Variants in TNFRSF25 observed in about 807,000 individuals in gnomAD.
TNFRSF25 encodes TNF receptor superfamily member 25.
In TNFRSF25, 28 loss-of-function variants were observed where a neutral mutation model predicts 49.4. That is an observed-to-expected ratio of 0.57 (90% CI 0.42 to 0.78). The LOEUF (loss-of-function observed/expected upper bound fraction) is 0.78. Among genes scored for constraint, TNFRSF25 ranks in the 30% least tolerant of loss-of-function variants. The pLI is 0.00. For synonymous variants in TNFRSF25, 240 were observed against 234.2 expected (o/e 1.02, Z -0.23); for missense variants, 531 against 581.6 (o/e 0.91, Z 0.90).
In TNFRSF25 at chr1:6,462,999, T is replaced by A; in HGVS notation, c.599-29A>T. On this transcript the variant is annotated intron_variant, in intron 6 of 9. Transcript: ENST00000356876. The surrounding 1 kb of genome is among the most constrained non-coding windows in gnomAD (Gnocchi z 4.2). The stretch of plus-strand genomic sequence containing the variant: ...AAAGCAGCTGGTGGGTGTTGGGTGG[T>A]TGCCCCCCTCCTCACCCGCCTCCCC... The A allele has an allele frequency of 6.4e-7, 1 of 1,563,984 alleles. No homozygotes were observed. Among genetic ancestry groups the A allele is most frequent in the Non-Finnish European group, 8.7e-7 (1 of 1,153,512 alleles).
Position 6,465,187 on chromosome 1 carries a change from C to T in TNFRSF25, c.196G>A (p.Gly66Ser), listed in dbSNP as rs558023593. ...GGACACACAAGGCAGGTGGAGTTGC[C>T]GCAGGGCTCCGTGCAAGGGGCCTTC... ...YLKAPCTEPCGNSTCLVCPQD... is the reference protein window; with the variant it reads ...YLKAPCTEPCSNSTCLVCPQD... Residue 66 changes from glycine to serine, a missense_variant, in exon 3 of 10, where the codon GGC becomes AGC. Transcript: ENST00000356876. 1.7e-5 allele frequency: 28 copies of T among 1,613,156 alleles called. No homozygotes were observed. Among genetic ancestry groups the T allele is most frequent in the Admixed American group, 5.0e-5 (3 of 59,976 alleles).
intron 1 of TNFRSF25, chr1:6,465,817 A>AC: frequency 7.1e-7 from 1 of 1,415,772 alleles, no homozygotes; most frequent in East Asian, 2.6e-5. Context: ...CAGCGCCCCC[A>AC]CCCCCACCCA....
chr1:6,464,292 G>C (rs989466798), intron 5 of TNFRSF25, 83 bp downstream of exon 5: 1 of 1,547,320 alleles, frequency 6.5e-7, no homozygotes, highest in East Asian at 2.4e-5. Context: ...TCCTATTCCT[G>C]AACCAGCAGC....
Position 6,461,635 on chromosome 1 carries a change from C to T in TNFRSF25, c.1053G>A (p.Val351=), listed in dbSNP as rs772616219. 1.9e-6 allele frequency: 3 copies of T among 1,607,936 alleles called. No individual in the cohort carries two copies. The highest frequency in any genetic ancestry group is 8.5e-7 in the Non-Finnish European group (1 of 1,179,120). The change falls in exon 10 of 10, where the codon GTG becomes GTA. Residue 351 remains valine, a synonymous_variant. Coordinates refer to ENST00000356876, the MANE Select transcript of TNFRSF25 (RefSeq NM_003790.3). The surrounding 1 kb of genome is among the most constrained non-coding windows in gnomAD (Gnocchi z 6.3). ...CTGCCTCGCGCAGCCCCAGCGTGCG[C>T]ACGAACTCCTTCCAGCGCCGCGCTG... ...AVPARRWKEF[V]RTLGLREAEI...
At position 6,461,623 on chromosome 1, in the gene TNFRSF25, C is replaced by A. The variant is rs1337069569; in HGVS notation, c.1065G>T (p.Gly355=). ...RRWKEFVRTL[G]LREAEIEAVE... ...CGGCTTCGATCTCTGCCTCGCGCAG[C>A]CCCAGCGTGCGCACGAACTCCTTCC... Residue 355 remains glycine (G), a synonymous_variant, in exon 10 of 10, where the codon GGG becomes GGT. Transcript: ENST00000356876. This position sits in a 1 kb window ranked among gnomAD's most constrained non-coding sequence, Gnocchi z 6.3. 1 of 1,608,824 alleles carries A rather than the reference C, an allele frequency of 6.2e-7. No homozygotes were observed. Among genetic ancestry groups the A allele is most frequent in the East Asian group, 2.2e-5 (1 of 44,826 alleles).
chr1:6,463,319 A>T (rs1282190017), intron 5 of TNFRSF25, 192 bp from the exon 6 acceptor site: 1 of 622,116 alleles, frequency 1.6e-6, no homozygotes, highest in Admixed American at 2.9e-5. Flanking sequence ...TCTAGACTAC[A>T]TGAAGAGTCA....
At chr1:6,463,433 G>A (rs1472784054) in intron 5 of TNFRSF25, 1 of 432,392 alleles carries the variant, frequency 2.3e-6, no homozygotes, top group African/African-American at 2.0e-5. Context: ...ATTCAATAAA[G>A]ACTTGAATGG....
rs767256820 is a variant in TNFRSF25 at position 6,461,974 on chromosome 1, A to G, written c.925+20T>C. On this transcript the variant is annotated intron_variant, in intron 9 of 9. Transcript: ENST00000356876. The surrounding 1 kb of genome is among the most constrained non-coding windows in gnomAD (Gnocchi z 6.3). ...GACAGGAGAATGGGGTCAAGGCCTC[A>G]GGCCACTGATGTCCCTTACCAAGAG... The G allele has an allele frequency of 2.7e-5, 43 of 1,587,330 alleles. No homozygotes were observed. In the South Asian group the frequency reaches 4.8e-4, roughly 18 times the overall value.
rs746282168 is a variant in TNFRSF25 at position 6,466,067 on chromosome 1, ACCG to A, written c.38_39+1del. On this transcript the variant is annotated splice_donor_variant and coding_sequence_variant, in exon 1 of 10. Coordinates refer to ENST00000356876, the MANE Select transcript of TNFRSF25 (RefSeq NM_003790.3). LOFTEE classifies it high-confidence loss of function. ...CCCCTAGCCTCCTGCGTCTCAACTC[ACCG>A]CCGCCACCGCCGCGCAGCCCCGCGG... 1 of 1,576,214 alleles carries A rather than the reference ACCG, an allele frequency of 6.3e-7. No homozygotes were observed. Among genetic ancestry groups the A allele is most frequent in the Admixed American group, 1.8e-5 (1 of 56,594 alleles).
At chr1:6,463,048 T>G in intron 6 of TNFRSF25, 24 bp downstream of exon 6, 2 of 1,552,224 alleles carry the variant, frequency 1.3e-6, no homozygotes, top group Non-Finnish European at 1.7e-6. Context: ...GTTCTCCCAC[T>G]CGCATTCCCA....
intron 2 of TNFRSF25, 56 bp from the exon 3 acceptor site, chr1:6,465,278 C>T: frequency 6.4e-7 from 1 of 1,570,484 alleles, no homozygotes; most frequent in South Asian, 1.2e-5. Flanking sequence ...AACCCCCGAC[C>T]TGCTTCCCAC....
chr1:6,463,017 G>T (rs753627878), intron 6 of TNFRSF25, 47 bp from the exon 7 acceptor site: 3 of 1,554,032 alleles, frequency 1.9e-6, no homozygotes, highest in Non-Finnish European at 2.6e-6. Flanking sequence ...CTCCTCACCC[G>T]CCTCCCCTCG....
At position 6,464,308 on chromosome 1, in the gene TNFRSF25, C is replaced by A; in HGVS notation, c.542+67G>T. On this transcript the variant is annotated intron_variant, in intron 5 of 9. Transcript: ENST00000356876. The stretch of plus-strand genomic sequence containing the variant: ...CCTATTCCTGAACCAGCAGCACCTG[C>A]CCCACCCCAGGCCCCTGCTCTGCTC... 6 of 1,555,024 alleles carry A rather than the reference C, an allele frequency of 3.9e-6. No individual in the cohort carries two copies. The South Asian group carries it at 7.1e-5, about 18-fold the overall frequency.
rs767547978 is a variant in TNFRSF25, at chr1:6,462,888, G to A, written c.681C>T (p.Cys227=). Residue 227 remains cysteine (C), a synonymous_variant, in exon 7 of 10, where the codon TGC becomes TGT. Transcript: ENST00000356876. This position sits in a 1 kb window ranked among gnomAD's most constrained non-coding sequence, Gnocchi z 4.2. ...GATLTYTYRH[C]WPHKPLVTAD... The stretch of plus-strand genomic sequence containing the variant: ...CAGTAACCAGGGGCTTGTGAGGCCA[G>A]CAGTGGCGGTATGTGTAGGTCAGGG... The A allele has an allele frequency of 6.2e-7, 1 of 1,608,236 alleles. No homozygotes were observed. The highest frequency in any genetic ancestry group is 2.2e-5 in the East Asian group (1 of 44,738).
chr1:6,466,128 G>C lies in TNFRSF25; in HGVS notation c.-21C>G. Reference sequence around the variant, plus strand: ...TCCATAGCCCTCCGACGGGCGCCCAGGGGCTTCCCGGCTCCGTGCTCTCTG... The same window carrying C: ...TCCATAGCCCTCCGACGGGCGCCCACGGGCTTCCCGGCTCCGTGCTCTCTG... On this transcript the variant is annotated 5_prime_UTR_variant, in exon 1 of 10. Coordinates refer to ENST00000356876, the MANE Select transcript of TNFRSF25 (RefSeq NM_003790.3). 1 of 1,491,720 alleles carries C rather than the reference G, an allele frequency of 6.7e-7. No individual in the cohort carries two copies. The highest frequency in any genetic ancestry group is 8.9e-7 in the Non-Finnish European group (1 of 1,128,848). 92.4% of individuals were successfully genotyped at this position (1,491,720 alleles called of 1,614,324 possible).
chr1:6,465,336 C>T (rs1644317551), intron 2 of TNFRSF25, 104 bp downstream of exon 2: 1 of 1,577,340 alleles, frequency 6.3e-7, no homozygotes, highest in African/African-American at 1.3e-5. Flanking sequence ...TCTCTGTCAG[C>T]CTACCCCTAC....
chr1:6,463,119 AG>A lies in TNFRSF25; in HGVS notation c.550del (p.Leu184TrpfsTer37), dbSNP rs1351803939. The A allele has an allele frequency of 1.9e-6, 3 of 1,551,498 alleles. No individual in the cohort carries two copies. The highest frequency in any genetic ancestry group is 2.6e-6 in the Non-Finnish European group (3 of 1,146,950). Reference protein sequence around the residue: ...DGCVSCPTSTLGSCPERCAAV... With the variant: ...DGCVSCPTSTXGSCPERCAAV... ...GGCACAGCGCTCTGGACAGCTCCCC[AG>A]GGTGCTCCTGCAAGGGACGGGGGTG... is the stretch of plus-strand genomic sequence containing the variant. On this transcript the variant is annotated frameshift_variant, in exon 6 of 10. Transcript: ENST00000356876. LOFTEE classifies it high-confidence loss of function.
At position 6,462,678 on chromosome 1, in the gene TNFRSF25, A is replaced by G; in HGVS notation, c.707-12T>C. On this transcript the variant is annotated splice_polypyrimidine_tract_variant and intron_variant, in intron 7 of 9. Coordinates refer to ENST00000356876, the MANE Select transcript of TNFRSF25 (RefSeq NM_003790.3). The surrounding 1 kb of genome is among the most constrained non-coding windows in gnomAD (Gnocchi z 4.2). ...CCCAGCTTCATCTGCTGACAGACAC[A>G]GAGAGATTGCGGTCAGCCACCAGGC... 1 of 1,613,412 alleles carries G rather than the reference A, an allele frequency of 6.2e-7. No homozygotes were observed. Among genetic ancestry groups the G allele is most frequent in the Non-Finnish European group, 8.5e-7 (1 of 1,179,640 alleles).
In TNFRSF25 at chr1:6,461,790, G is replaced by T; in HGVS notation, c.926-28C>A. On this transcript the variant is annotated intron_variant, in intron 9 of 9. Coordinates refer to ENST00000356876, the MANE Select transcript of TNFRSF25 (RefSeq NM_003790.3). The surrounding 1 kb of genome is among the most constrained non-coding windows in gnomAD (Gnocchi z 6.3). ...GGGGCAGGGCCAGAGAGAGCCAATT[G>T]GGGTACGTGGGCCGCGGTCGGGAGG... 4 of 1,482,762 alleles carry T rather than the reference G, an allele frequency of 2.7e-6. No homozygotes were observed. Among genetic ancestry groups the T allele is most frequent in the Non-Finnish European group, 3.6e-6 (4 of 1,118,086 alleles). 91.9% of individuals were successfully genotyped at this position (1,482,762 alleles called of 1,614,324 possible). A position where few individuals can be genotyped will look rare whatever the true frequency, so the allele number is the denominator to read the frequency against.
Sources: gnomAD v4.1 joint callset for allele counts on GRCh38, gnomAD v4.1.1 for gene constraint, Gnocchi (gnomAD v3.1) non-coding constraint, MANE v1.5 for transcripts, NCBI Gene and HGNC (gene_info 2026-07-23, HGNC 2026-07-21) for gene names.